TTN: variants seen among roughly 807,000 people sequenced by gnomAD.
The protein encoded by TTN is connectin.
In TTN, 1,525 loss-of-function variants were observed where a neutral mutation model predicts 3,223.0. The observed-to-expected ratio is 0.47, with a 90% CI of 0.45 to 0.49. The LOEUF (loss-of-function observed/expected upper bound fraction) is 0.49. Ranked by LOEUF, TTN falls within the 20% of genes least tolerant of loss-of-function variation. The pLI, the probability that TTN is intolerant of heterozygous loss-of-function variation, is 0.00. For synonymous variants in TTN, 14,094 were observed against 15,161.0 expected (o/e 0.93, Z 5.17); for missense variants, 40,786 against 43,424.0 (o/e 0.94, Z 5.40).
intron 330 of TTN, chr2:178,555,455 G>C: frequency 3.5e-6 from 1 of 282,002 alleles, no homozygotes; most frequent in South Asian, 6.8e-5. Flanking sequence ...CATGGAAGAA[G>C]CTGTTAAAAC....
chr2:178,672,504 T>C, intron 153 of TTN, 23 bp from the exon 154 acceptor site: 1 of 1,604,760 alleles, frequency 6.2e-7, no homozygotes, highest in South Asian at 1.1e-5. Flanking sequence ...AGTTTTAATA[T>C]TTAGGACTGT....
chr2:178,589,301 G>A lies in TTN; in HGVS notation c.62424C>T (p.Asp20808=), dbSNP rs374472044. 160 of 1,613,042 alleles carry A rather than the reference G, an allele frequency of 9.9e-5. No homozygotes were observed. Among genetic ancestry groups the A allele is most frequent in the African/African-American group, 3.5e-4 (26 of 74,882 alleles). The change falls in exon 304 of 363, where the codon GAC becomes GAT. Residue 20808 remains aspartate, a synonymous_variant. Transcript: ENST00000589042. ...FPEVAWTKDK[D]ATDLTRSPRV... ...TTGGTGATCTTGTTAAGTCTGTAGC[G>A]TCTTTGTCCTTGGTCCATGCAACTT...
intron 239 of TTN, among the ~76,000 whole-genome samples, chr2:178,629,985 A>G (rs1278192754): frequency 6.6e-6 from 1 of 152,052 alleles, no homozygotes; most frequent in Non-Finnish European, 1.5e-5. Flanking sequence ...TCTACTTTCA[A>G]TGAGAGGACT....
chr2:178,785,819 A>C (rs1561392883), intron 14 of TTN, 29 bp downstream of exon 14: 2 of 1,614,126 alleles, frequency 1.2e-6, no homozygotes, highest in Non-Finnish European at 1.7e-6. Flanking sequence ...ACCATGAACA[A>C]GGTGAAAAAT....
Position 178,634,405 on chromosome 2 carries a change from C to T in TTN, c.42376G>A (p.Val14126Met). 6.2e-7 allele frequency: 1 copy of T among 1,611,716 alleles called. No homozygotes were observed. The highest frequency in any genetic ancestry group is 8.5e-7 in the Non-Finnish European group (1 of 1,179,176). ...FDDEGVYTAE[V>M]EGKKTSARLF... ...CGAGCTGAGGTCTTCTTGCCCTCCA[C>T]CTCAGCAGTATAGACCCCTTCATCA... is the stretch of plus-strand genomic sequence containing the variant. The change falls in exon 230 of 363, where the codon GTG becomes ATG. Residue 14126 changes from valine to methionine, a missense_variant. By Grantham distance (21) the Val-to-Met change is conservative. Transcript: ENST00000589042. The surrounding 1 kb of genome is among the most constrained non-coding windows in gnomAD (Gnocchi z 4.6).
At position 178,585,370 on chromosome 2, in the gene TTN, T is replaced by C. The variant is rs377278921; in HGVS notation, c.64397-23A>G. The C allele has an allele frequency of 5.8e-6, 9 of 1,542,694 alleles. No individual in the cohort carries two copies. The Admixed American group carries it at 8.2e-5, about 14-fold the overall frequency. On this transcript the variant is annotated intron_variant, in intron 308 of 362. Transcript: ENST00000589042. ...GCACTGAAAGTAAAATGAAAAGATA[T>C]TAATTTTGGGAAGGTGGATAAGTTT...
chr2:178,569,546 C>T lies in TTN; in HGVS notation c.76586G>A (p.Arg25529Lys), dbSNP rs750282861. The T allele has an allele frequency of 3.7e-6, 6 of 1,612,968 alleles. No homozygotes were observed. In the Admixed American group the frequency reaches 1.0e-4, roughly 27 times the overall value. ...IINIRAGGSL[R>K]LFVPIKGRPT... ...ACGACCTTTTATAGGAACAAATAAC[C>T]TTAAGGAGCCACCTGCCCTTATATT... Residue 25529 changes from arginine (R) to lysine (K), a missense_variant, in exon 326 of 363, where the codon AGG becomes AAG. Transcript: ENST00000589042.
intron 24 of TTN, chr2:178,778,369 C>A: frequency 3.7e-6 from 1 of 273,752 alleles, no homozygotes; most frequent in Non-Finnish European, 7.0e-6. Context: ...ATAAAAAATA[C>A]ACATTCTTTA....
rs931824826 is a variant in TTN at position 178,560,089 on chromosome 2, G to T, written c.86043C>A (p.Ala28681=). 1 of 1,613,450 alleles carries T rather than the reference G, an allele frequency of 6.2e-7. No homozygotes were observed. The highest frequency in any genetic ancestry group is 8.5e-7 in the Non-Finnish European group (1 of 1,179,758). ...AWVKPLFDGG[A]PITGYTVEYK... Reference sequence around the variant, plus strand: ...ATTCTACAGTATATCCAGTTATCGGGGCCCCACCATCAAACAGCGGCTTAA... The same window carrying T: ...ATTCTACAGTATATCCAGTTATCGGTGCCCCACCATCAAACAGCGGCTTAA... Residue 28681 remains alanine, a synonymous_variant, in exon 326 of 363, where the codon GCC becomes GCA. Transcript: ENST00000589042.
Position 178,651,660 on chromosome 2 carries a change from G to T in TTN, c.39463+6C>A. On this transcript the variant is annotated splice_donor_region_variant and intron_variant, in intron 206 of 362. Transcript: ENST00000589042. ...TTGTTAGGGAGTTAGTGGCAGTGAGGAATACCTTTCACTGGTGGTAGTTCA... is the reference window on the plus strand; with the variant it reads ...TTGTTAGGGAGTTAGTGGCAGTGAGTAATACCTTTCACTGGTGGTAGTTCA... The T allele has an allele frequency of 6.2e-7, 1 of 1,613,154 alleles. No homozygotes were observed. The highest frequency in any genetic ancestry group is 1.1e-5 in the South Asian group (1 of 91,028).
chr2:178,748,069 C>G lies in TTN; in HGVS notation c.11311+5055G>C, dbSNP rs397517813. On this transcript the variant is annotated intron_variant, in intron 47 of 362. Transcript: ENST00000589042. ...TGCATTCTTCTTCCATTTCACCAAC[C>G]CCTAAAGGCTTTTCCTCACTTGCTG... 1.9e-5 allele frequency: 31 copies of G among 1,612,892 alleles called. No homozygotes were observed. Among genetic ancestry groups the G allele is most frequent in the Admixed American group, 5.0e-5 (3 of 59,792 alleles).
Position 178,713,162 on chromosome 2 carries a change from G to A in TTN, c.26972C>T (p.Ser8991Leu). The A allele has an allele frequency of 2.5e-6, 4 of 1,613,718 alleles. No homozygotes were observed. Among genetic ancestry groups the A allele is most frequent in the Non-Finnish European group, 3.4e-6 (4 of 1,179,742 alleles). ...TATACATGTGTAGTCACCACTGTCT[G>A]ATTCTTCCAGCATGTTCACAGTTAA... ...CALTVNMLEE[S>L]DSGDYTCIAT... The change falls in exon 93 of 363, where the codon TCA becomes TTA. Residue 8991 changes from serine (S) to leucine (L), a missense_variant. By Grantham distance (145) the Ser-to-Leu change is moderately radical (BLOSUM62 -2). Coordinates refer to ENST00000589042, the MANE Select transcript of TTN (RefSeq NM_001267550.2).
rs548159263 is a variant in TTN, at chr2:178,636,315, T to G, written c.41330-74A>C. The G allele has an allele frequency of 4.0e-6, 6 of 1,495,220 alleles. No homozygotes were observed. The South Asian group carries it at 4.2e-5, about 10-fold the overall frequency. The allele number at this position is 1,495,220 out of a possible 1,614,324, so 92.6% of individuals were successfully genotyped here. A position where few individuals can be genotyped will look rare whatever the true frequency, so the allele number is the denominator to read the frequency against. On this transcript the variant is annotated intron_variant, in intron 225 of 362. Coordinates refer to ENST00000589042, the MANE Select transcript of TTN (RefSeq NM_001267550.2). The surrounding 1 kb of genome is among the most constrained non-coding windows in gnomAD (Gnocchi z 4.3). ...AAATAAAACTTGGAAATAAGAGGTT[T>G]TGTAAAACTACAATGCAAGTTGCTA...
Position 178,574,652 on chromosome 2 carries a change from G to A in TTN, c.71480C>T (p.Pro23827Leu). 1 of 1,613,064 alleles carries A rather than the reference G, an allele frequency of 6.2e-7. No homozygotes were observed. The change falls in exon 326 of 363, where the codon CCT (proline) becomes CTT (leucine). Residue 23827 changes from proline (P) to leucine (L), a missense_variant. By Grantham distance (98) the Pro-to-Leu change is moderately conservative. Coordinates refer to ENST00000589042, the MANE Select transcript of TTN (RefSeq NM_001267550.2). ...CIVANYPFKV[P>L]GPPGTPQVTA... The stretch of plus-strand genomic sequence containing the variant: ...TACCTGAGGGGTACCAGGAGGTCCA[G>A]GAACCTTAAATGGATAGTTGGCAAC...
Position 178,549,083 on chromosome 2 carries a change from T to G in TTN, c.92543A>C (p.Asp30848Ala), listed in dbSNP as rs746794842. 8.7e-6 allele frequency: 14 copies of G among 1,613,804 alleles called. No homozygotes were observed. Among genetic ancestry groups the G allele is most frequent in the Non-Finnish European group, 1.2e-5 (14 of 1,179,846 alleles). The change falls in exon 339 of 363, where the codon GAT becomes GCT. Residue 30848 changes from aspartate (D) to alanine (A), a missense_variant. Transcript: ENST00000589042. Reference sequence around the variant, plus strand: ...ATACCCAATTATTTCCATGCCACCATCAAACACTGGTTTGGACCATTCTAA... The same window carrying G: ...ATACCCAATTATTTCCATGCCACCAGCAAACACTGGTTTGGACCATTCTAA... ...VSLEWSKPVF[D>A]GGMEIIGYII...
chr2:178,771,751 G>A (rs1238527333), intron 33 of TTN, among the ~76,000 whole-genome samples: 1 of 152,084 alleles, frequency 6.6e-6, no homozygotes, highest in East Asian at 1.9e-4. Context: ...ATACCACCAG[G>A]ATAGTCTCTA....
intron 349 of TTN, 114 bp from the exon 350 acceptor site, chr2:178,541,698 A>C: frequency 1.3e-6 from 1 of 771,976 alleles, no homozygotes; most frequent in Non-Finnish European, 1.8e-6. Context: ...TACATAAGGC[A>C]CATGACTATT....
At chr2:178,602,260 T>G (rs1327348992) in intron 283 of TTN, 22 bp downstream of exon 283, 2 of 1,608,134 alleles carry the variant, frequency 1.2e-6, no homozygotes, top group Non-Finnish European at 1.7e-6. Context: ...GAGGAATACA[T>G]AAACTGAGTA....
chr2:178,630,244 T>C lies in TTN; in HGVS notation c.44278A>G (p.Lys14760Glu). Residue 14760 changes from lysine to glutamate, a missense_variant, in exon 239 of 363, where the codon AAG (lysine) becomes GAG (glutamate). Coordinates refer to ENST00000589042, the MANE Select transcript of TTN (RefSeq NM_001267550.2). Reference protein sequence around the residue: ...NVKSSAHLRVKPRVIGLLRPL... With the variant: ...NVKSSAHLRVEPRVIGLLRPL... ...CTGAAAAATATACAATACTTACGCT[T>C]AACTCGGAGGTGGGCACTAGATTTA... 1 of 1,613,012 alleles carries C rather than the reference T, an allele frequency of 6.2e-7. No homozygotes were observed. Among genetic ancestry groups the C allele is most frequent in the Non-Finnish European group, 8.5e-7 (1 of 1,179,360 alleles).
Sources: allele counts gnomAD v4.1 joint callset (sites outside exome capture counted in the v4.1 genomes callset), GRCh38; gene constraint gnomAD v4.1.1; non-coding constraint Gnocchi (gnomAD v3.1); transcripts MANE v1.5; gene names NCBI Gene and HGNC (gene_info 2026-07-23, HGNC 2026-07-21).